Variants in ZNF600 observed in about 807,000 individuals in gnomAD.
ZNF600 encodes zinc finger protein KR-ZNF1.
A neutral mutation model predicts 7.3 loss-of-function variants in ZNF600; 4 were observed. The observed-to-expected ratio is 0.55, with a 90% CI of 0.27 to 1.25. ZNF600 has a LOEUF of 1.25. ZNF600 is among the 50% of genes most tolerant of loss of function. The probability of loss-of-function intolerance (pLI) is 0.12; values close to 1 mark genes in which losing one functional copy is unlikely to be tolerated. For synonymous variants in ZNF600, 290 were observed against 308.9 expected, an observed-to-expected ratio of 0.94 and a Z score of 0.64; for missense variants, 911 against 922.1, an observed-to-expected ratio of 0.99 and a Z score of 0.16.
chr19:52,810,890 CCCCTCCCCCTCCCTCTCCCTCTCCCT>C, the ZNF600 span, among the ~76,000 whole-genome samples: 57 of 15,184 alleles, frequency 3.8e-3, 1 homozygote, highest in Middle Eastern at 0.026. Flanking sequence ...CCTCCCCCTC[CCCCTCCCCCTCCCTCTCCCTCTCCCT>C]CCACAGTCTC....
upstream of ZNF600, among the ~76,000 whole-genome samples, chr19:52,790,621 C>A (rs1421020116): frequency 7.3e-5 from 11 of 150,968 alleles, no homozygotes; most frequent in East Asian, 1.9e-4. Context: ...GCTGTAAACT[C>A]TAAATTGTGC....
the ZNF600 span, among the ~76,000 whole-genome samples, chr19:52,832,900 T>C: frequency 6.6e-6 from 1 of 151,970 alleles, no homozygotes; most frequent in Non-Finnish European, 1.5e-5. Context: ...GCCTCCTGAG[T>C]GGCTGAGATT....
chr19:52,772,207 C>G (rs1279132152), intron 3 of ZNF600, among the ~76,000 whole-genome samples: 1 of 152,050 alleles, frequency 6.6e-6, no homozygotes, highest in Non-Finnish European at 1.5e-5. Context: ...ACTTGGGACC[C>G]TGAGGCTGGA....
At chr19:52,799,982 C>T in the ZNF600 span, 28 of 1,610,082 alleles carry the variant, frequency 1.7e-5, no homozygotes, top group East Asian at 9.0e-5. Context: ...GGATTATAAG[C>T]GATGATGTCT....
intron 2 of ZNF600, among the ~76,000 whole-genome samples, chr19:52,775,801 G>A (rs2062670123): frequency 6.6e-6 from 1 of 152,060 alleles, no homozygotes; most frequent in African/African-American, 2.4e-5. Context: ...GAGGTCAGGA[G>A]TTTGAGACCA....
chr19:52,791,457 T>C (rs144530117), upstream of ZNF600, among the ~76,000 whole-genome samples: 5 of 152,122 alleles, frequency 3.3e-5, no homozygotes, highest in African/African-American at 1.2e-4. Context: ...ATTTCAGAAA[T>C]GAAAGAGACA....
intron 1 of ZNF600, among the ~76,000 whole-genome samples, chr19:52,781,784 C>T (rs2062723911): frequency 6.6e-6 from 1 of 150,432 alleles, no homozygotes; most frequent in African/African-American, 2.5e-5. Flanking sequence ...AAACAGCGGT[C>T]AGGCAAGGTG....
chr19:52,767,090 C>G (rs747351320), exon 4 of ZNF600: 1 of 1,614,090 alleles, frequency 6.2e-7, no homozygotes, highest in South Asian at 1.1e-5. Context: ...ACTTTCCACA[C>G]TCATTACACT....
chr19:52,822,076 T>TTTTG, the ZNF600 span, among the ~76,000 whole-genome samples: 1 of 130,010 alleles, frequency 7.7e-6, no homozygotes, highest in African/African-American at 2.9e-5. Flanking sequence ...CTTTTTCCCT[T>TTTTG]TTTTTTTTTT....
chr19:52,832,483 C>T, the ZNF600 span, among the ~76,000 whole-genome samples: 10,367 of 151,458 alleles, frequency 0.068, 415 homozygotes, highest in South Asian at 0.089. Flanking sequence ...TAATCCCAGC[C>T]ACTCGGGAGG....
chr19:52,771,589 G>A lies in ZNF600; in HGVS notation c.190+2986C>T, dbSNP rs59787153. Among the ~76,000 whole-genome samples the A allele has an allele frequency of 2.6e-3, 396 of 151,946 alleles. 1 individual carries two copies. Among genetic ancestry groups the A allele is most frequent in the African/African-American group, 9.2e-3 (383 of 41,448 alleles). ...CCCAGGTTCAAATGATTCTCCTATAGGTCTCAGCCTCACAAGAAGCTGGGA... is the reference window on the plus strand; with the variant it reads ...CCCAGGTTCAAATGATTCTCCTATAAGTCTCAGCCTCACAAGAAGCTGGGA... On this transcript the variant is annotated intron_variant, in intron 3 of 3. Coordinates refer to ENST00000648973, the Ensembl canonical transcript of ZNF600.
At chr19:52,809,822 A>AGGCAGCGGCGGCGGC in the ZNF600 span, 24 of 527,232 alleles carry the variant, frequency 4.6e-5, no homozygotes, top group Non-Finnish European at 6.4e-5. Flanking sequence ...TGAGCGGCGA[A>AGGCAGCGGCGGCGGC]GGCGGCGGCG....
chr19:52,771,944 A>T (rs150996582), intron 3 of ZNF600, among the ~76,000 whole-genome samples: 3,089 of 151,630 alleles, frequency 0.02, 121 homozygotes, highest in African/African-American at 0.07. Flanking sequence ...AACAGTGAAA[A>T]GAGTGAGATA....
the ZNF600 span, among the ~76,000 whole-genome samples, chr19:52,826,498 G>A: frequency 6.6e-6 from 1 of 152,060 alleles, no homozygotes; most frequent in Non-Finnish European, 1.5e-5. Flanking sequence ...ATGAGGTCAG[G>A]ATTTTGAAAG....
chr19:52,799,701 C>T, the ZNF600 span: 1 of 1,565,594 alleles, frequency 6.4e-7, no homozygotes, highest in Admixed American at 1.7e-5. Context: ...AGGTTTCTCT[C>T]CACTATGAAG....
chr19:52,830,212 G>C, the ZNF600 span, among the ~76,000 whole-genome samples: 101,437 of 151,868 alleles, frequency 0.67, 34,434 homozygotes, highest in Middle Eastern at 0.75. Context: ...GCAGAGGCTG[G>C]AGTGAGCTGA....
At chr19:52,765,180 T>A (rs1275093694) in exon 4 of ZNF600, 2 of 463,712 alleles carry the variant, frequency 4.3e-6, no homozygotes, top group Admixed American at 5.2e-5. Context: ...GGAACAGTTA[T>A]CTCAAAAATG....
the ZNF600 span, among the ~76,000 whole-genome samples, chr19:52,820,359 C>T: frequency 7.2e-5 from 10 of 138,300 alleles, no homozygotes; most frequent in African/African-American, 3.0e-4. Flanking sequence ...CCTCATGATC[C>T]ACCCGCCTCG....
At chr19:52,794,252 G>T in the ZNF600 span, among the ~76,000 whole-genome samples, 1 of 152,088 alleles carries the variant, frequency 6.6e-6, no homozygotes, top group African/African-American at 2.4e-5. Flanking sequence ...GTATTTGTGG[G>T]TTTTTTTACA....
Sources: gnomAD v4.1 joint callset for allele counts (sites outside exome capture counted in the v4.1 genomes callset) on GRCh38, gnomAD v4.1.1 for gene constraint, MANE v1.5 for transcripts, NCBI Gene and HGNC (gene_info 2026-07-23, HGNC 2026-07-21) for gene names.